The following MMP10 variants were observed in gnomAD, a reference collection of about 807,000 sequenced individuals.
MMP10 encodes the protein matrix metallopeptidase 10, also known as stromelysin-2.
Under a neutral mutation model 49.1 loss-of-function variants are expected in MMP10, and 50 were observed. The observed-to-expected ratio is 1.02, with a 90% CI of 0.81 to 1.29. The LOEUF (loss-of-function observed/expected upper bound fraction) is 1.29, where lower values mean the gene tolerates loss of function less well. MMP10 is among the 50% of genes most tolerant of loss of function. The probability of loss-of-function intolerance (pLI) is 0.00; values close to 1 mark genes in which losing one functional copy is unlikely to be tolerated. For missense variants in MMP10, 613 were observed against 563.8 expected (o/e 1.09, Z -0.88); for synonymous variants, 229 against 201.6 (o/e 1.14, Z -1.15).
In MMP10 at chr11:102,779,759, G is replaced by C. The variant is rs201872191; in HGVS notation, c.106-14C>G. The C allele has an allele frequency of 2.1e-5, 33 of 1,592,648 alleles. 1 individual carries two copies. The African/African-American group carries it at 2.4e-4, about 12-fold the overall frequency. On this transcript the variant is annotated splice_polypyrimidine_tract_variant and intron_variant, in intron 1 of 9. Transcript: ENST00000279441. Reference sequence around the variant, plus strand: ...TTCTAGGTATTGCTAATGGAAAATAGAATTTTTAGGGCATTTTTGTGATTT... The same window carrying C: ...TTCTAGGTATTGCTAATGGAAAATACAATTTTTAGGGCATTTTTGTGATTT...
chr11:102,779,946 G>C (rs1213310110), intron 1 of MMP10, among the ~76,000 whole-genome samples: 1 of 152,096 alleles, frequency 6.6e-6, no homozygotes, highest in African/African-American at 2.4e-5. Flanking sequence ...GTAAGGAATT[G>C]GGGATTGAAA....
chr11:102,776,378 A>T lies in MMP10; in HGVS notation c.834T>A (p.Ser278=). The change falls in exon 6 of 10, where the codon TCT becomes TCA. Residue 278 remains serine (S), a synonymous_variant. Coordinates refer to ENST00000279441, the MANE Select transcript of MMP10 (RefSeq NM_002425.3). ...STEEPLVPTK[S]VPSGSEMPAK... The stretch of plus-strand genomic sequence containing the variant: ...CTGGCATCTCAGATCCCGAAGGAAC[A>T]GATTTTGTGGGCACCAGGGGTTCCT... 2 of 1,613,982 alleles carry T rather than the reference A, an allele frequency of 1.2e-6. No individual in the cohort carries two copies. Among genetic ancestry groups the T allele is most frequent in the Non-Finnish European group, 1.7e-6 (2 of 1,179,902 alleles).
At chr11:102,774,517 A>C (rs1862003291) in intron 7 of MMP10, among the ~76,000 whole-genome samples, 1 of 152,160 alleles carries the variant, frequency 6.6e-6, no homozygotes, top group Admixed American at 6.5e-5. Flanking sequence ...ATGAAAAAGA[A>C]AACAAAACTT....
intron 7 of MMP10, 26 bp downstream of exon 7, chr11:102,775,162 A>G (rs1358568120): frequency 1.4e-6 from 2 of 1,464,586 alleles, no homozygotes; most frequent in Non-Finnish European, 1.8e-6. Context: ...TATTCCAGCA[A>G]GTTGAAATTC....
chr11:102,777,202 A>C (rs1354352953), intron 4 of MMP10, among the ~76,000 whole-genome samples: 1 of 152,186 alleles, frequency 6.6e-6, no homozygotes, highest in African/African-American at 2.4e-5. Flanking sequence ...AATTAATCAT[A>C]TAACATTTAC....
At chr11:102,773,813 C>T (rs1591703041) in intron 7 of MMP10, among the ~76,000 whole-genome samples, 1 of 152,228 alleles carries the variant, frequency 6.6e-6, no homozygotes, top group Admixed American at 6.5e-5. Context: ...TGGCACCCTT[C>T]CTTCTCTCAG....
rs1024506047 is a variant in MMP10, at chr11:102,776,017, G to A, written c.932+263C>T. The stretch of plus-strand genomic sequence containing the variant: ...AATTCAGCAAGAACTAGATCTGAAT[G>A]ATTTTAAAATGTAGAGGAAATTTTA... On this transcript the variant is annotated intron_variant, in intron 6 of 9. Coordinates refer to ENST00000279441, the MANE Select transcript of MMP10 (RefSeq NM_002425.3). 5.3e-5 allele frequency among the ~76,000 whole-genome samples: 8 copies of A among 152,012 alleles called. No homozygotes were observed. The East Asian group carries it at 1.4e-3, about 26-fold the overall frequency.
In MMP10 at chr11:102,779,489, A is replaced by G. The variant is rs373709123; in HGVS notation, c.347+15T>C. 2 of 1,613,612 alleles carry G rather than the reference A, an allele frequency of 1.2e-6. No individual in the cohort carries two copies. The highest frequency in any genetic ancestry group is 1.7e-6 in the Non-Finnish European group (2 of 1,179,660). On this transcript the variant is annotated intron_variant, in intron 2 of 9. Transcript: ENST00000279441. Reference sequence around the variant, plus strand: ...AAGGTTTCAATATTATGTGAAAACTAATCTGAACCATTACCTGTATGTAAG... The same window carrying G: ...AAGGTTTCAATATTATGTGAAAACTGATCTGAACCATTACCTGTATGTAAG...
In MMP10 at chr11:102,772,032, T is replaced by A. The variant is rs753788269; in HGVS notation, c.1310A>T (p.Asp437Val). ...DDFPGVEPKV[D>V]AVLQAFGFFY... ...CTTACCAAATGCCTGTAATACAGCA[T>A]CAACCTTAGGCTCAACTCCTGGAAA... The change falls in exon 9 of 10, where the codon GAT becomes GTT. Residue 437 changes from aspartate to valine, a missense_variant. By Grantham distance (152) the Asp-to-Val change is radical. Transcript: ENST00000279441. This position sits in a 1 kb window ranked among gnomAD's most constrained non-coding sequence, Gnocchi z 4.4. 1.2e-5 allele frequency: 20 copies of A among 1,611,658 alleles called. No individual in the cohort carries two copies. The highest frequency in any genetic ancestry group is 6.7e-5 in the Admixed American group (4 of 59,962).
chr11:102,771,987 G>A (rs1215197964), intron 9 of MMP10, 25 bp downstream of exon 9: 1 of 1,210,766 alleles, frequency 8.3e-7, no homozygotes, highest in East Asian at 2.4e-5. Flanking sequence ...ATTCCTGCAT[G>A]ACAATGAAAT....
intron 4 of MMP10, among the ~76,000 whole-genome samples, chr11:102,777,213 G>A (rs1350854223): frequency 2.0e-5 from 3 of 152,074 alleles, no homozygotes; most frequent in African/African-American, 2.4e-5. Flanking sequence ...TAACATTTAC[G>A]TTCAAACTTT....
Position 102,779,548 on chromosome 11 carries a change from G to A in MMP10, c.303C>T (p.Ser101=). 6.2e-7 allele frequency: 1 copy of A among 1,614,088 alleles called. No homozygotes were observed. The highest frequency in any genetic ancestry group is 2.2e-5 in the East Asian group (1 of 44,884). ...CGVPDVGHFS[S]FPGMPKWRKT... ...TCCTCCACTTCGGCATGCCAGGAAA[G>A]GAGCTGAAGTGACCAACGTCAGGAA... Residue 101 remains serine, a synonymous_variant, in exon 2 of 10, where the codon TCC becomes TCT. Transcript: ENST00000279441.
At chr11:102,777,691 T>A (rs1857762797) in intron 4 of MMP10, among the ~76,000 whole-genome samples, 1 of 152,224 alleles carries the variant, frequency 6.6e-6, no homozygotes, top group Non-Finnish European at 1.5e-5. Flanking sequence ...TTCAGCTTTT[T>A]AAAAATATTA....
chr11:102,778,476 A>G (rs1462757910), intron 4 of MMP10, 148 bp downstream of exon 4: 1 of 961,782 alleles, frequency 1.0e-6, no homozygotes, highest in Non-Finnish European at 1.5e-6. Flanking sequence ...TAATGATTGA[A>G]ACAAACAGTA....
intron 7 of MMP10, among the ~76,000 whole-genome samples, chr11:102,773,911 C>T (rs1440916557): frequency 1.3e-5 from 2 of 152,288 alleles, no homozygotes; most frequent in African/African-American, 4.8e-5. Flanking sequence ...CTGACCTCCA[C>T]CAATGAGAAT....
At chr11:102,777,127 G>C (rs535544408) in intron 4 of MMP10, among the ~76,000 whole-genome samples, 1 of 151,990 alleles carries the variant, frequency 6.6e-6, no homozygotes, top group Non-Finnish European at 1.5e-5. Flanking sequence ...ATAACTCTTC[G>C]TTGTCTAAAA....
chr11:102,780,050 A>G (rs1857805467), intron 1 of MMP10, among the ~76,000 whole-genome samples: 1 of 152,202 alleles, frequency 6.6e-6, no homozygotes, highest in Admixed American at 6.5e-5. Flanking sequence ...TTCTACTTAC[A>G]TTGTTATTAT....
At chr11:102,779,794 T>A in intron 1 of MMP10, 49 bp from the exon 2 acceptor site, 2 of 1,571,632 alleles carry the variant, frequency 1.3e-6, no homozygotes, top group Non-Finnish European at 1.7e-6. Flanking sequence ...TTCCATCATT[T>A]ATCCAACTTT....
rs142143733 is a variant in MMP10 at position 102,776,469 on chromosome 11, G to A, written c.788-45C>T. 2.9e-4 allele frequency: 466 copies of A among 1,600,326 alleles called. 9 individuals are homozygous for A. Among genetic ancestry groups the A allele is most frequent in the South Asian group, 2.1e-3 (191 of 89,550 alleles). ...GGATGCAAACATTAAAAAAAAATGT[G>A]ATGCATCTGTCAATTTGTGTGCCTT... On this transcript the variant is annotated intron_variant, in intron 5 of 9. Transcript: ENST00000279441.
Sources: allele counts gnomAD v4.1 joint callset (sites outside exome capture counted in the v4.1 genomes callset), GRCh38; gene constraint gnomAD v4.1.1; non-coding constraint Gnocchi (gnomAD v3.1); transcripts MANE v1.5; gene names NCBI Gene and HGNC (gene_info 2026-07-23, HGNC 2026-07-21).